KAZN: variants seen among roughly 807,000 people sequenced by gnomAD.
The protein encoded by KAZN is kazrin, periplakin interacting protein, also known as kazrin.
KAZN carries 40 observed loss-of-function variants against 87.4 expected under a neutral mutation model. The ratio of observed to expected loss-of-function variants is 0.46; its 90% CI spans 0.36 to 0.60. The LOEUF (loss-of-function observed/expected upper bound fraction) is 0.60. KAZN is among the 20% of genes least tolerant of loss of function. The pLI, the probability that KAZN is intolerant of heterozygous loss-of-function variation, is 0.00. For missense variants in KAZN, 898 were observed against 1,073.9 expected, an observed-to-expected ratio of 0.84 and a Z score of 2.29; for synonymous variants, 466 against 458.3, an observed-to-expected ratio of 1.02 and a Z score of -0.22.
At position 15,081,257 on chromosome 1, in the gene KAZN, T is replaced by C. The variant is rs1465416307; in HGVS notation, c.1223-12923T>C. On this transcript the variant is annotated intron_variant, in intron 8 of 14. Coordinates refer to ENST00000376030, the MANE Select transcript of KAZN (RefSeq NM_201628.3). This position sits in a 1 kb window ranked among gnomAD's most constrained non-coding sequence, Gnocchi z 4.1. The stretch of plus-strand genomic sequence containing the variant: ...GCCCACGGATGGCTCTCTTCCCAAC[T>C]CCACGTCCAGTGACAGCCTGCCGGT... 6.6e-6 allele frequency among the ~76,000 whole-genome samples: 1 copy of C among 152,116 alleles called. No individual in the cohort carries two copies. Among genetic ancestry groups the C allele is most frequent in the African/African-American group, 2.4e-5 (1 of 41,412 alleles).
intron 1 of KAZN, among the ~76,000 whole-genome samples, chr1:14,013,564 T>A (rs1640421676): frequency 6.6e-6 from 1 of 152,208 alleles, no homozygotes; most frequent in Non-Finnish European, 1.5e-5. Flanking sequence ...AACTCCATAA[T>A]CATGGGATTC....
At chr1:14,354,679 C>G (rs1658856096) in intron 2 of KAZN, among the ~76,000 whole-genome samples, 1 of 151,066 alleles carries the variant, frequency 6.6e-6, no homozygotes, top group Admixed American at 6.6e-5. Flanking sequence ...CACACACACA[C>G]ACACACACAA....
chr1:14,398,290 T>C (rs982781968), intron 2 of KAZN, among the ~76,000 whole-genome samples: 1 of 152,252 alleles, frequency 6.6e-6, no homozygotes, highest in East Asian at 1.9e-4. Context: ...TGATTAAAAG[T>C]GTGGAGTAGA....
chr1:13,956,632 A>C (rs2101012123), intron 1 of KAZN, among the ~76,000 whole-genome samples: 1 of 152,260 alleles, frequency 6.6e-6, no homozygotes, highest in East Asian at 1.9e-4. Context: ...ATGGTATGGT[A>C]ATTGCTTTGG....
chr1:14,235,304 A>G (rs777464391), intron 2 of KAZN, among the ~76,000 whole-genome samples: 1 of 152,270 alleles, frequency 6.6e-6, no homozygotes, highest in Non-Finnish European at 1.5e-5. Flanking sequence ...AAAAGGATGA[A>G]CTACTATAAC....
chr1:14,701,725 A>G (rs1363203664), intron 1 of KAZN, among the ~76,000 whole-genome samples: 1 of 152,156 alleles, frequency 6.6e-6, no homozygotes, highest in Non-Finnish European at 1.5e-5. Context: ...TGAGCCCAGG[A>G]GGTCGAGGCT....
At chr1:14,872,136 A>G (rs1652213301) in intron 1 of KAZN, among the ~76,000 whole-genome samples, 1 of 152,166 alleles carries the variant, frequency 6.6e-6, no homozygotes, top group South Asian at 2.1e-4. Flanking sequence ...TGGAAGGAAT[A>G]ATGGACTTGG....
chr1:14,912,931 G>A (rs1382898034), intron 1 of KAZN, among the ~76,000 whole-genome samples: 1 of 152,122 alleles, frequency 6.6e-6, no homozygotes, highest in African/African-American at 2.4e-5. Context: ...TAGGGCAGGT[G>A]GGGGATGAAA....
chr1:14,168,013 A>G (rs1337968567), intron 1 of KAZN, among the ~76,000 whole-genome samples: 2 of 152,188 alleles, frequency 1.3e-5, no homozygotes, highest in African/African-American at 4.8e-5. Flanking sequence ...ACGTCCCATC[A>G]GGGCCGCAGT....
chr1:13,907,501 G>A, intron 1 of KAZN, among the ~76,000 whole-genome samples: 1 of 151,048 alleles, frequency 6.6e-6, no homozygotes, highest in Non-Finnish European at 1.5e-5. Flanking sequence ...GAGGCTGTGT[G>A]TGTGTGTGTT....
chr1:14,954,552 G>C (rs1662854240), intron 1 of KAZN, among the ~76,000 whole-genome samples: 2 of 152,202 alleles, frequency 1.3e-5, no homozygotes, highest in African/African-American at 4.8e-5. Flanking sequence ...GTGCAGTCAT[G>C]GCAGCGGTCT....
At chr1:14,767,930 G>T (rs1024414485) in intron 1 of KAZN, among the ~76,000 whole-genome samples, 2 of 152,202 alleles carry the variant, frequency 1.3e-5, no homozygotes, top group African/African-American at 4.8e-5. Flanking sequence ...TATTACCGAG[G>T]TGCCTGCAAA....
intron 1 of KAZN, among the ~76,000 whole-genome samples, chr1:14,118,765 C>T (rs1644685818): frequency 6.6e-6 from 1 of 152,114 alleles, no homozygotes; most frequent in African/African-American, 2.4e-5. Context: ...GACTGGGTGC[C>T]AGAAGGATCA....
At chr1:14,994,790 C>T (rs887952029) in intron 2 of KAZN, among the ~76,000 whole-genome samples, 5 of 152,192 alleles carry the variant, frequency 3.3e-5, no homozygotes, top group African/African-American at 1.2e-4. Flanking sequence ...GTGTATTCAT[C>T]GGCAAAGTGG....
chr1:14,523,063 G>A (rs528927006), intron 2 of KAZN, among the ~76,000 whole-genome samples: 79 of 152,210 alleles, frequency 5.2e-4, no homozygotes, highest in African/African-American at 1.8e-3. Flanking sequence ...GACACTCATC[G>A]TCCTAGTCTA....
At chr1:14,939,210 G>A (rs767442175) in intron 1 of KAZN, among the ~76,000 whole-genome samples, 12 of 152,132 alleles carry the variant, frequency 7.9e-5, no homozygotes, top group Non-Finnish European at 1.0e-4. Flanking sequence ...GACCTCAGGT[G>A]ATCAACCCAC....
At chr1:14,269,223 T>C (rs1651731870) in intron 2 of KAZN, among the ~76,000 whole-genome samples, 1 of 152,110 alleles carries the variant, frequency 6.6e-6, no homozygotes, top group South Asian at 2.1e-4. Flanking sequence ...GCCACGTATA[T>C]AAACAGATAC....
intron 13 of KAZN, among the ~76,000 whole-genome samples, chr1:15,104,990 C>A (rs925844537): frequency 3.3e-5 from 5 of 152,176 alleles, no homozygotes; most frequent in African/African-American, 1.2e-4. Context: ...GTCAAACCAA[C>A]CTTGCATTCC....
At chr1:13,935,928 G>GCA (rs1640718312) in intron 1 of KAZN, among the ~76,000 whole-genome samples, 1 of 148,574 alleles carries the variant, frequency 6.7e-6, no homozygotes, top group Admixed American at 6.7e-5. Context: ...TTTAATATAT[G>GCA]TACATCATCA....
Sources: gnomAD v4.1 joint callset for allele counts (sites outside exome capture counted in the v4.1 genomes callset) on GRCh38, gnomAD v4.1.1 for gene constraint, Gnocchi (gnomAD v3.1) non-coding constraint, MANE v1.5 for transcripts, NCBI Gene and HGNC (gene_info 2026-07-23, HGNC 2026-07-21) for gene names.